KAZN: variants seen among roughly 807,000 people sequenced by gnomAD.
KAZN encodes kazrin, periplakin interacting protein, also known as kazrin.
Under a neutral mutation model 87.4 loss-of-function variants are expected in KAZN, and 40 were observed. The observed-to-expected ratio is 0.46, with a 90% CI of 0.36 to 0.60. The LOEUF is 0.60. Ranked by LOEUF, KAZN falls within the 20% of genes least tolerant of loss-of-function variation. The pLI is 0.00. For synonymous variants in KAZN, 466 were observed against 458.3 expected (o/e 1.02, Z -0.22); for missense variants, 898 against 1,073.9 (o/e 0.84, Z 2.29).
At chr1:14,074,814 T>C (rs1325763925) in intron 1 of KAZN, among the ~76,000 whole-genome samples, 1 of 152,224 alleles carries the variant, frequency 6.6e-6, no homozygotes, top group Non-Finnish European at 1.5e-5. Flanking sequence ...GCCAATAACC[T>C]ACTCCATGTC....
At chr1:13,985,209 TA>T (rs927361041) in intron 1 of KAZN, among the ~76,000 whole-genome samples, 15 of 152,244 alleles carry the variant, frequency 9.9e-5, no homozygotes, top group African/African-American at 2.9e-4. Flanking sequence ...TGAATTTTTT[TA>T]AAATTATTAT....
intron 1 of KAZN, among the ~76,000 whole-genome samples, chr1:14,911,622 C>T (rs561243182): frequency 6.6e-6 from 1 of 152,300 alleles, no homozygotes; most frequent in East Asian, 1.9e-4. Context: ...CACCCTTGGC[C>T]CCTGCTGGCA....
intron 2 of KAZN, among the ~76,000 whole-genome samples, chr1:14,188,940 T>TA (rs368271793): frequency 6.6e-6 from 1 of 152,116 alleles, no homozygotes; most frequent in Non-Finnish European, 1.5e-5. Context: ...ATTATAATCT[T>TA]AAAAAAATTG....
intron 2 of KAZN, among the ~76,000 whole-genome samples, chr1:14,436,467 C>T (rs1310619862): frequency 1.3e-5 from 2 of 151,916 alleles, no homozygotes; most frequent in Non-Finnish European, 1.5e-5. Flanking sequence ...AAAACAATCC[C>T]AGTACTTTGA....
intron 1 of KAZN, among the ~76,000 whole-genome samples, chr1:14,742,288 T>C (rs1644125118): frequency 6.6e-6 from 1 of 152,220 alleles, no homozygotes; most frequent in Non-Finnish European, 1.5e-5. Flanking sequence ...AGCTGCTAGA[T>C]TGCAGGCTTT....
chr1:14,282,077 GA>G (rs1012155561), intron 2 of KAZN, among the ~76,000 whole-genome samples: 128 of 151,910 alleles, frequency 8.4e-4, no homozygotes, highest in African/African-American at 2.8e-3. Context: ...ATTTTGTCTG[GA>G]AAAAAAATAT....
intron 1 of KAZN, among the ~76,000 whole-genome samples, chr1:14,602,358 A>G (rs1192527443): frequency 6.6e-6 from 1 of 152,136 alleles, no homozygotes; most frequent in African/African-American, 2.4e-5. Flanking sequence ...GATAATCCTT[A>G]ATGAGAATGC....
chr1:14,226,631 G>A (rs1647316862), intron 2 of KAZN, among the ~76,000 whole-genome samples: 1 of 152,148 alleles, frequency 6.6e-6, no homozygotes, highest in African/African-American at 2.4e-5. Context: ...ATTCAGAATA[G>A]CAAAGACATA....
intron 1 of KAZN, among the ~76,000 whole-genome samples, chr1:14,141,560 A>T (rs1420585629): frequency 6.6e-6 from 1 of 152,040 alleles, no homozygotes; most frequent in Non-Finnish European, 1.5e-5. Context: ...TGGTTGTAGG[A>T]CCCATTTGCC....
At chr1:14,055,147 A>T (rs1642497206) in intron 1 of KAZN, among the ~76,000 whole-genome samples, 1 of 152,194 alleles carries the variant, frequency 6.6e-6, no homozygotes, top group Non-Finnish European at 1.5e-5. Context: ...TGACTGTGTA[A>T]CCCAGAGTAA....
intron 1 of KAZN, among the ~76,000 whole-genome samples, chr1:14,849,843 G>A (rs1016247389): frequency 2.6e-5 from 4 of 152,114 alleles, no homozygotes; most frequent in African/African-American, 4.8e-5. Context: ...TCTTACTCAC[G>A]GCTCCCCCAG....
intron 1 of KAZN, among the ~76,000 whole-genome samples, chr1:14,951,535 G>T (rs987711769): frequency 6.6e-6 from 1 of 151,684 alleles, no homozygotes; most frequent in Admixed American, 6.6e-5. Flanking sequence ...GGGATGCAAT[G>T]GCACAATCTC....
chr1:14,890,792 G>T (rs983925620), intron 1 of KAZN, among the ~76,000 whole-genome samples: 2 of 148,860 alleles, frequency 1.3e-5, no homozygotes, highest in Non-Finnish European at 3.0e-5. Context: ...GCCTCCCAAA[G>T]TGCTGGGATT....
chr1:14,140,795 C>T (rs1006621712), intron 1 of KAZN, among the ~76,000 whole-genome samples: 2 of 152,082 alleles, frequency 1.3e-5, no homozygotes, highest in East Asian at 1.9e-4. Flanking sequence ...CTTCTAAGGA[C>T]AAGCAGCCTG....
At chr1:14,403,701 C>G (rs900572083) in intron 2 of KAZN, among the ~76,000 whole-genome samples, 1 of 152,128 alleles carries the variant, frequency 6.6e-6, no homozygotes, top group Non-Finnish European at 1.5e-5. Flanking sequence ...TCTGGAACTG[C>G]AACTAGTAAC....
At chr1:14,542,865 C>G (rs905151742) in intron 2 of KAZN, among the ~76,000 whole-genome samples, 1 of 152,160 alleles carries the variant, frequency 6.6e-6, no homozygotes, top group Non-Finnish European at 1.5e-5. Flanking sequence ...TCACACTGCA[C>G]GACTCTAATG....
chr1:14,444,535 A>G (rs2148319045), intron 2 of KAZN, among the ~76,000 whole-genome samples: 1 of 151,520 alleles, frequency 6.6e-6, no homozygotes, highest in South Asian at 2.1e-4. Context: ...TGGTCTCAAA[A>G]CTCCTAACCT....
At chr1:14,246,192 G>A (rs750653265) in intron 2 of KAZN, among the ~76,000 whole-genome samples, 28 of 152,138 alleles carry the variant, frequency 1.8e-4, no homozygotes, top group Non-Finnish European at 3.8e-4. Context: ...TTGGGGATGG[G>A]AGGAGCATCA....
At chr1:14,353,347 C>T (rs1166194532) in intron 2 of KAZN, among the ~76,000 whole-genome samples, 3 of 66,644 alleles carry the variant, frequency 4.5e-5, no homozygotes, top group Non-Finnish European at 8.6e-5. Context: ...GCCTCAGCCT[C>T]CCAATAGCTG....
Sources: gnomAD v4.1 joint callset for allele counts (sites outside exome capture counted in the v4.1 genomes callset) on GRCh38, gnomAD v4.1.1 for gene constraint, MANE v1.5 for transcripts, NCBI Gene and HGNC (gene_info 2026-07-23, HGNC 2026-07-21) for gene names.